PPP1R13L: variants seen among roughly 807,000 people sequenced by gnomAD.
PPP1R13L encodes the protein relA-associated inhibitor.
A neutral mutation model predicts 80.9 loss-of-function variants in PPP1R13L; 50 were observed. That is an observed-to-expected ratio of 0.62 (90% CI 0.49 to 0.78). The LOEUF (loss-of-function observed/expected upper bound fraction) is 0.78, where lower values mean the gene tolerates loss of function less well. Ranked by LOEUF, PPP1R13L falls within the 30% of genes least tolerant of loss-of-function variation. PPP1R13L has a pLI of 0.00. For synonymous variants in PPP1R13L, 602 were observed against 534.3 expected, an observed-to-expected ratio of 1.13 and a Z score of -1.75; for missense variants, 1,200 against 1,205.9, an observed-to-expected ratio of 1.00 and a Z score of 0.07.
chr19:45,405,150 G>A, upstream of PPP1R13L: 1 of 620,256 alleles, frequency 1.6e-6, no homozygotes, highest in Non-Finnish European at 2.0e-6. Context: ...GGGGAGCCAA[G>A]GTCGCCTCGA....
At chr19:45,394,314 T>A (rs184641046) in intron 7 of PPP1R13L, among the ~76,000 whole-genome samples, 7 of 152,160 alleles carry the variant, frequency 4.6e-5, no homozygotes, top group African/African-American at 1.7e-4. Flanking sequence ...TGTACTTTTA[T>A]TTTTAGTAAA....
rs775288384 is a variant in PPP1R13L at position 45,382,664 on chromosome 19, C to G, written c.2311G>C (p.Ala771Pro). The G allele has an allele frequency of 6.2e-7, 1 of 1,614,018 alleles. No homozygotes were observed. The stretch of plus-strand genomic sequence containing the variant: ...AAGGACAGCTCGTCCCCGAACTCGG[C>G]GCTGTAGTCCCAGAGAGCGTACACT... ...GAVYALWDYS[A>P]EFGDELSFRE... Residue 771 changes from alanine (A) to proline (P), a missense_variant, in exon 12 of 13, where the codon GCC (alanine) becomes CCC (proline). Physicochemically the swap from Ala to Pro is conservative, Grantham distance 27. Coordinates refer to ENST00000360957, the MANE Select transcript of PPP1R13L (RefSeq NM_006663.4).
chr19:45,382,437 TC>T (rs1972780566), intron 12 of PPP1R13L, 89 bp downstream of exon 12: 2 of 1,462,208 alleles, frequency 1.4e-6, no homozygotes, highest in South Asian at 2.5e-5. Context: ...AACGGTTTGT[TC>T]CTGTTGCCTC....
intron 1 of PPP1R13L, among the ~76,000 whole-genome samples, chr19:45,399,504 G>A (rs1010512935): frequency 6.6e-6 from 1 of 150,696 alleles, no homozygotes; most frequent in Non-Finnish European, 1.5e-5. Flanking sequence ...GACGCCTGTA[G>A]TCCCAGCTAC....
In PPP1R13L at chr19:45,382,767, G is replaced by GGGGGTCCAGGAACAGGGGCCACGT. The variant is rs573203477; in HGVS notation, c.2249-65_2249-42dup. 2.2e-4 allele frequency: 354 copies of GGGGGTCCAGGAACAGGGGCCACGT among 1,605,186 alleles called. No homozygotes were observed. In the African/African-American group the frequency reaches 4.4e-3, roughly 20 times the overall value. On this transcript the variant is annotated intron_variant, in intron 11 of 12. Coordinates refer to ENST00000360957, the MANE Select transcript of PPP1R13L (RefSeq NM_006663.4). Reference sequence around the variant, plus strand: ...GAGGGGAAGGTGAGAGCCTGGCCCAGGGGGTCCAGGAACAGGGGCCACGTG... The same window carrying GGGGGTCCAGGAACAGGGGCCACGT: ...GAGGGGAAGGTGAGAGCCTGGCCCAGGGGGTCCAGGAACAGGGGCCACGTGGGGTCCAGGAACAGGGGCCACGTG...
rs1261002147 is a variant in PPP1R13L at position 45,396,270 on chromosome 19, G to A, written c.812-11C>T. 1.2e-6 allele frequency: 2 copies of A among 1,612,646 alleles called. No individual in the cohort carries two copies. Among genetic ancestry groups the A allele is most frequent in the Non-Finnish European group, 1.7e-6 (2 of 1,179,864 alleles). On this transcript the variant is annotated splice_polypyrimidine_tract_variant and intron_variant, in intron 5 of 12. Transcript: ENST00000360957. This position sits in a 1 kb window ranked among gnomAD's most constrained non-coding sequence, Gnocchi z 5.3. The stretch of plus-strand genomic sequence containing the variant: ...CGAAGACGTCCAGGCCTGCGGGGCG[G>A]GAATCATTAGGGTCTGTGGGGCTGC...
intron 3 of PPP1R13L, among the ~76,000 whole-genome samples, chr19:45,397,325 C>T (rs1250013306): frequency 6.6e-6 from 1 of 151,984 alleles, no homozygotes; most frequent in Non-Finnish European, 1.5e-5. Context: ...TAGATGTCCA[C>T]TTCCACTGGT....
chr19:45,390,482 A>T (rs1381051042), intron 8 of PPP1R13L, among the ~76,000 whole-genome samples: 12 of 152,130 alleles, frequency 7.9e-5, no homozygotes, highest in Admixed American at 7.9e-4. Context: ...AAGCACTGTA[A>T]AACGTTTTGT....
rs1010788298 is a variant in PPP1R13L, at chr19:45,399,717, G to T, written c.-21-1378C>A. Among the ~76,000 whole-genome samples, 4 of 151,878 alleles carry T rather than the reference G, an allele frequency of 2.6e-5. No individual in the cohort carries two copies. The South Asian group carries it at 8.3e-4, about 32-fold the overall frequency. On this transcript the variant is annotated intron_variant, in intron 1 of 12. Transcript: ENST00000360957. ...TCCTGTAACCCGAGCACTTTGGGAG[G>T]CCGAGGTGGATGGATCGCTTGAAGC...
chr19:45,403,840 C>G (rs574163934), intron 1 of PPP1R13L, among the ~76,000 whole-genome samples: 1 of 152,078 alleles, frequency 6.6e-6, no homozygotes, highest in Non-Finnish European at 1.5e-5. Flanking sequence ...CTTCTTAGGA[C>G]GCATGGGGGT....
rs1972728973 is a variant in PPP1R13L at position 45,379,832 on chromosome 19, G to C, written c.*358C>G. ...CAGTGACTCCCAGGAATATCCAGTG[G>C]TGTGGTGGCCCATCCCAGGCCCGGC... On this transcript the variant is annotated 3_prime_UTR_variant, in exon 13 of 13. Coordinates refer to ENST00000360957, the MANE Select transcript of PPP1R13L (RefSeq NM_006663.4). 1 of 230,862 alleles carries C rather than the reference G, an allele frequency of 4.3e-6. No individual in the cohort carries two copies. The highest frequency in any genetic ancestry group is 5.3e-5 in the Admixed American group (1 of 18,952). The allele number at this position is 230,862 out of a possible 1,614,324, so 14.3% of individuals were successfully genotyped here.
chr19:45,381,884 G>A (rs899049025), intron 12 of PPP1R13L, among the ~76,000 whole-genome samples: 3 of 151,932 alleles, frequency 2.0e-5, no homozygotes, highest in Non-Finnish European at 4.4e-5. Flanking sequence ...AGGTTGCAGT[G>A]AGCCCACATC....
At chr19:45,403,860 G>T (rs1056925598) in intron 1 of PPP1R13L, among the ~76,000 whole-genome samples, 4 of 152,030 alleles carry the variant, frequency 2.6e-5, no homozygotes, top group Non-Finnish European at 5.9e-5. Flanking sequence ...TGGAGAGAAC[G>T]GGGAGATAGA....
chr19:45,404,699 T>C (rs143677246), intron 1 of PPP1R13L, among the ~76,000 whole-genome samples: 7 of 152,246 alleles, frequency 4.6e-5, no homozygotes, highest in African/African-American at 1.7e-4. Context: ...TTCGAACCCC[T>C]ATACTACCCA....
At chr19:45,386,027 C>A in intron 9 of PPP1R13L, 22 bp downstream of exon 9, 1 of 1,589,912 alleles carries the variant, frequency 6.3e-7, no homozygotes, top group Non-Finnish European at 8.5e-7. Context: ...GCCGTGCCCA[C>A]CTCCCGCTCA....
intron 8 of PPP1R13L, among the ~76,000 whole-genome samples, chr19:45,391,123 G>C (rs12986272): frequency 1.3e-5 from 2 of 151,498 alleles, no homozygotes; most frequent in Non-Finnish European, 2.9e-5. Flanking sequence ...GCTTGAACCT[G>C]GGAGGCGGAG....
intron 1 of PPP1R13L, among the ~76,000 whole-genome samples, chr19:45,403,086 T>C (rs901161561): frequency 6.6e-6 from 1 of 152,212 alleles, no homozygotes; most frequent in African/African-American, 2.4e-5. Context: ...AGCTTCTCTG[T>C]GCCTGTTTCC....
In PPP1R13L at chr19:45,385,874, A is replaced by T; in HGVS notation, c.2031T>A (p.Asp677Glu). ...CATTGGCACCCGCGGTGATGAGGAAATCCACGATAGAGTAGTTGGCGCCGC... is the reference window on the plus strand; with the variant it reads ...CATTGGCACCCGCGGTGATGAGGAATTCCACGATAGAGTAGTTGGCGCCGC... ...AICGANYSIV[D>E]FLITAGANVN... Residue 677 changes from aspartate to glutamate, a missense_variant, in exon 10 of 13, where the codon GAT becomes GAA. Asp to Glu is a conservative substitution (Grantham distance 45, BLOSUM62 2). This residue lies in a region of PPP1R13L where 214 missense variants were observed against 199.6 expected (regional missense o/e 1.07). Coordinates refer to ENST00000360957, the MANE Select transcript of PPP1R13L (RefSeq NM_006663.4). The T allele has an allele frequency of 6.8e-6, 11 of 1,611,236 alleles. No homozygotes were observed. Among genetic ancestry groups the T allele is most frequent in the Non-Finnish European group, 9.3e-6 (11 of 1,178,880 alleles).
In PPP1R13L at chr19:45,384,400, G is replaced by GT. The variant is rs1342000363; in HGVS notation, c.2248+1161_2248+1162insA. On this transcript the variant is annotated intron_variant, in intron 11 of 12. Coordinates refer to ENST00000360957, the MANE Select transcript of PPP1R13L (RefSeq NM_006663.4). Reference sequence around the variant, plus strand: ...AAAAAAAAAAAGTTAGCGGGCCGTGGGGCCCTTGCCTGTAATCCCAGTTAC... The same window carrying GT: ...AAAAAAAAAAAGTTAGCGGGCCGTGGTGGCCCTTGCCTGTAATCCCAGTTAC... Among the ~76,000 whole-genome samples the GT allele has an allele frequency of 1.8e-4, 27 of 150,534 alleles. No homozygotes were observed. In the East Asian group the frequency reaches 5.1e-3, roughly 28 times the overall value.
Sources: gnomAD v4.1 joint callset for allele counts (sites outside exome capture counted in the v4.1 genomes callset) on GRCh38, gnomAD v4.1.1 for gene constraint, gnomAD v4.1.1 regional missense constraint, Gnocchi (gnomAD v3.1) non-coding constraint, MANE v1.5 for transcripts, NCBI Gene and HGNC (gene_info 2026-07-23, HGNC 2026-07-21) for gene names.